The following GRM7 variants were observed in gnomAD, a reference collection of about 807,000 sequenced individuals.
GRM7 encodes the protein metabotropic glutamate receptor 7.
In GRM7, 35 loss-of-function variants were observed where a neutral mutation model predicts 84.5. The ratio of observed to expected loss-of-function variants is 0.41; its 90% CI spans 0.32 to 0.55. The LOEUF (loss-of-function observed/expected upper bound fraction) is 0.55. GRM7 is among the 20% of genes least tolerant of loss of function. The pLI, the probability that GRM7 is intolerant of heterozygous loss-of-function variation, is 0.19. For synonymous variants in GRM7, 487 were observed against 455.1 expected (o/e 1.07, Z -0.89); for missense variants, 1,003 against 1,194.6 (o/e 0.84, Z 2.36).
chr3:7,733,570 C>T (rs117774686), intron 9 of GRM7, among the ~76,000 whole-genome samples: 99 of 152,298 alleles, frequency 6.5e-4, no homozygotes, highest in Non-Finnish European at 1.6e-4. Flanking sequence ...AGCCATTTCT[C>T]TGCCTCCTGC....
chr3:7,215,311 T>G (rs1326781647), intron 2 of GRM7, among the ~76,000 whole-genome samples: 1 of 152,126 alleles, frequency 6.6e-6, no homozygotes, highest in Non-Finnish European at 1.5e-5. Context: ...ATGACTTGAG[T>G]AAATCCCATA....
chr3:7,317,268 C>G (rs1415857303), intron 4 of GRM7, among the ~76,000 whole-genome samples: 1 of 150,716 alleles, frequency 6.6e-6, no homozygotes, highest in Non-Finnish European at 1.5e-5. Context: ...CAACCTCTTC[C>G]CAATTTTTAT....
At chr3:7,299,837 A>G (rs1699936706) in intron 3 of GRM7, among the ~76,000 whole-genome samples, 1 of 152,178 alleles carries the variant, frequency 6.6e-6, no homozygotes, top group Admixed American at 6.5e-5. Flanking sequence ...AATTTGGATT[A>G]CAGTCTATTG....
At chr3:7,152,566 G>C (rs1234023937) in intron 2 of GRM7, among the ~76,000 whole-genome samples, 2 of 152,124 alleles carry the variant, frequency 1.3e-5, no homozygotes, top group African/African-American at 4.8e-5. Flanking sequence ...ACCTTCTGTG[G>C]ATTTGCGGAT....
chr3:7,478,817 C>G (rs1356875100), intron 7 of GRM7, among the ~76,000 whole-genome samples: 1 of 152,158 alleles, frequency 6.6e-6, no homozygotes, highest in East Asian at 1.9e-4. Context: ...CCCATCTCCC[C>G]CCAGGCATGC....
At chr3:7,609,914 A>G (rs1477635945) in intron 8 of GRM7, among the ~76,000 whole-genome samples, 1 of 152,218 alleles carries the variant, frequency 6.6e-6, no homozygotes, top group East Asian at 1.9e-4. Context: ...TAAGTTCTGG[A>G]TATAGCCATC....
intron 5 of GRM7, among the ~76,000 whole-genome samples, chr3:7,431,802 C>T (rs982648286): frequency 6.6e-6 from 1 of 152,160 alleles, no homozygotes; most frequent in Non-Finnish European, 1.5e-5. Context: ...ATTGGACAAC[C>T]TGAATTTGGT....
rs1309568684 is a variant in GRM7, at chr3:6,862,641, C to T, written c.519+734C>T. 2 of 226,104 alleles carry T rather than the reference C, an allele frequency of 8.8e-6. No homozygotes were observed. The highest frequency in any genetic ancestry group is 4.7e-5 in the African/African-American group (2 of 42,450). The allele number at this position is 226,104 out of a possible 1,614,324, so 14.0% of individuals were successfully genotyped here. Reference sequence around the variant, plus strand: ...CCACTGGCCGGAGCTGGGCGATCAGCTTTCCACTCCTGCCACTTCAGACCT... The same window carrying T: ...CCACTGGCCGGAGCTGGGCGATCAGTTTTCCACTCCTGCCACTTCAGACCT... On this transcript the variant is annotated intron_variant, in intron 1 of 9. Transcript: ENST00000357716. This position sits in a 1 kb window ranked among gnomAD's most constrained non-coding sequence, Gnocchi z 5.2.
chr3:7,668,831 C>T (rs1699811003), intron 8 of GRM7, among the ~76,000 whole-genome samples: 1 of 152,242 alleles, frequency 6.6e-6, no homozygotes, highest in Non-Finnish European at 1.5e-5. Flanking sequence ...ATCAAACATA[C>T]ATTGAACTTG....
At chr3:6,869,937 A>G (rs1695065200) in intron 1 of GRM7, among the ~76,000 whole-genome samples, 1 of 151,966 alleles carries the variant, frequency 6.6e-6, no homozygotes, top group Admixed American at 6.6e-5. Context: ...CTTATTAAAC[A>G]CCTTCCATGT....
chr3:7,332,234 C>A (rs533009601), intron 4 of GRM7, among the ~76,000 whole-genome samples: 1 of 152,126 alleles, frequency 6.6e-6, no homozygotes. Flanking sequence ...CTAATTCCTC[C>A]TCATTATCTA....
At chr3:7,440,369 A>G (rs1697236892) in intron 5 of GRM7, among the ~76,000 whole-genome samples, 1 of 152,176 alleles carries the variant, frequency 6.6e-6, no homozygotes, top group Admixed American at 6.5e-5. Flanking sequence ...GCATCTAGTC[A>G]CACAGAGAAA....
At chr3:7,249,577 A>C (rs537105698) in intron 2 of GRM7, among the ~76,000 whole-genome samples, 1 of 152,350 alleles carries the variant, frequency 6.6e-6, no homozygotes, top group Admixed American at 6.5e-5. Flanking sequence ...CTGATAAGGG[A>C]AACAAAATTG....
At chr3:6,952,462 T>C (rs1327898411) in intron 1 of GRM7, among the ~76,000 whole-genome samples, 3 of 152,214 alleles carry the variant, frequency 2.0e-5, no homozygotes, top group Non-Finnish European at 4.4e-5. Flanking sequence ...TTATTTCTGG[T>C]ATTCTGTCCT....
At position 7,320,557 on chromosome 3, in the gene GRM7, A is replaced by C. The variant is rs369451516; in HGVS notation, c.1033+13905A>C. 4.9e-4 allele frequency among the ~76,000 whole-genome samples: 75 copies of C among 152,070 alleles called. 3 individuals carry two copies. The South Asian group carries it at 0.012, about 24-fold the overall frequency. ...ATCCTTCTTGAGTGAGAGTTGTATA[A>C]CATGCTTCAGAGAAGAAGAACAGGA... On this transcript the variant is annotated intron_variant, in intron 4 of 9. Transcript: ENST00000357716.
intron 1 of GRM7, among the ~76,000 whole-genome samples, chr3:6,909,746 C>G (rs941383124): frequency 6.6e-6 from 1 of 152,060 alleles, no homozygotes; most frequent in Non-Finnish European, 1.5e-5. Context: ...ATATCAGGAT[C>G]CTTCTGCACA....
intron 8 of GRM7, among the ~76,000 whole-genome samples, chr3:7,640,234 G>A (rs190814021): frequency 1.3e-3 from 200 of 152,306 alleles, no homozygotes; most frequent in African/African-American, 4.5e-3. Context: ...CAGCTAGAAA[G>A]ATCACATGGA....
intron 4 of GRM7, among the ~76,000 whole-genome samples, chr3:7,401,466 A>G (rs1695447111): frequency 6.6e-6 from 1 of 152,188 alleles, no homozygotes; most frequent in Admixed American, 6.6e-5. Flanking sequence ...TCTCTCTAAA[A>G]TACAGAGCAT....
chr3:7,352,841 G>T (rs1361526843), intron 4 of GRM7, among the ~76,000 whole-genome samples: 1 of 151,986 alleles, frequency 6.6e-6, no homozygotes, highest in Non-Finnish European at 1.5e-5. Context: ...AATATTCCTG[G>T]CTTTATCAGG....
Sources: gnomAD v4.1 joint callset for allele counts (sites outside exome capture counted in the v4.1 genomes callset) on GRCh38, gnomAD v4.1.1 for gene constraint, Gnocchi (gnomAD v3.1) non-coding constraint, MANE v1.5 for transcripts, NCBI Gene and HGNC (gene_info 2026-07-23, HGNC 2026-07-21) for gene names.